The following OPA1 variants were observed in gnomAD, a reference collection of about 807,000 sequenced individuals.
The protein encoded by OPA1 is dynamin-like GTPase OPA1, mitochondrial.
In OPA1, 59 loss-of-function variants were observed where a neutral mutation model predicts 152.9. The ratio of observed to expected loss-of-function variants is 0.39; its 90% CI spans 0.31 to 0.48. The LOEUF is 0.48. Among genes scored for constraint, OPA1 ranks in the 20% least tolerant of loss-of-function variants. The pLI, the probability that OPA1 is intolerant of heterozygous loss-of-function variation, is 0.96. For synonymous variants in OPA1, 400 were observed against 389.9 expected (o/e 1.03, Z -0.31); for missense variants, 1,008 against 1,216.8 (o/e 0.83, Z 2.55).
chr3:193,650,222 G>A (rs1408459415), intron 21 of OPA1, among the ~76,000 whole-genome samples: 3 of 152,252 alleles, frequency 2.0e-5, no homozygotes, highest in South Asian at 4.1e-4. Context: ...GACAGTGAAC[G>A]CATACCACCA....
At chr3:193,631,581 C>G (rs1479849601) in intron 7 of OPA1, 31 bp from the exon 8 acceptor site, 1 of 1,527,496 alleles carries the variant, frequency 6.5e-7, no homozygotes, top group Non-Finnish European at 9.1e-7. Flanking sequence ...AAACCTAATT[C>G]TATTCAACTA....
rs570000924 is a variant in OPA1, at chr3:193,633,972, G to T, written c.844-1446G>T. Among the ~76,000 whole-genome samples, 428 of 152,256 alleles carry T rather than the reference G, an allele frequency of 2.8e-3. 2 individuals carry two copies. The highest frequency in any genetic ancestry group is 0.017 in the South Asian group (80 of 4,830). The stretch of plus-strand genomic sequence containing the variant: ...TCTGCCTGTCTCATACTATGTAGGT[G>T]TTCAATTATGTATGCGTTCTTTTAA... On this transcript the variant is annotated intron_variant, in intron 8 of 30. Transcript: ENST00000361510.
chr3:193,640,283 A>G (rs1256316757), intron 11 of OPA1, among the ~76,000 whole-genome samples: 1 of 152,204 alleles, frequency 6.6e-6, no homozygotes, highest in Non-Finnish European at 1.5e-5. Context: ...TGTTGAGGGA[A>G]GAGAAAATAA....
Position 193,637,926 on chromosome 3 carries a change from A to G in OPA1, c.1036-26A>G, listed in dbSNP as rs765175058. The G allele has an allele frequency of 5.1e-6, 8 of 1,554,132 alleles. No homozygotes were observed. The South Asian group carries it at 7.8e-5, about 15-fold the overall frequency. Reference sequence around the variant, plus strand: ...TTAATTTGGTATCAGAAAAATATGAATAAGTGTTCTTTGTTTTGTGGGAAG... The same window carrying G: ...TTAATTTGGTATCAGAAAAATATGAGTAAGTGTTCTTTGTTTTGTGGGAAG... On this transcript the variant is annotated intron_variant, in intron 10 of 30. Coordinates refer to ENST00000361510, the MANE Select transcript of OPA1 (RefSeq NM_130837.3).
chr3:193,617,304 G>A lies in OPA1; in HGVS notation c.556+19G>A, dbSNP rs752550159. ...ACCTCAGGTAAGGAAGAAGCTGTTT[G>A]ATCTAATTTAAAAATTTAAGAACCA... is the stretch of plus-strand genomic sequence containing the variant. On this transcript the variant is annotated intron_variant, in intron 4 of 30. Coordinates refer to ENST00000361510, the MANE Select transcript of OPA1 (RefSeq NM_130837.3). The A allele has an allele frequency of 1.2e-4, 179 of 1,441,456 alleles. No individual in the cohort carries two copies. In the East Asian group the frequency reaches 4.0e-3, roughly 32 times the overall value. 89.3% of individuals were successfully genotyped at this position (1,441,456 alleles called of 1,614,324 possible). A position where few individuals can be genotyped will look rare whatever the true frequency, so the allele number is the denominator to read the frequency against.
At chr3:193,646,840 C>A (rs905670658) in intron 18 of OPA1, among the ~76,000 whole-genome samples, 3 of 152,076 alleles carry the variant, frequency 2.0e-5, no homozygotes, top group Admixed American at 2.0e-4. Flanking sequence ...ATTCAAAATA[C>A]AGTTCCTCAG....
intron 4 of OPA1, 80 bp downstream of exon 4, chr3:193,617,365 A>T (rs1459460185): frequency 1.2e-6 from 1 of 823,590 alleles, no homozygotes; most frequent in African/African-American, 1.8e-5. Flanking sequence ...GTTTATTCCC[A>T]TTTTTTTAAA....
chr3:193,595,955 T>G (rs1344656191), intron 1 of OPA1, among the ~76,000 whole-genome samples: 1 of 152,176 alleles, frequency 6.6e-6, no homozygotes, highest in Non-Finnish European at 1.5e-5. Context: ...TGCACACTTT[T>G]TTATTTTTAA....
intron 29 of OPA1, chr3:193,668,530 C>T (rs762240823): frequency 6.5e-7 from 1 of 1,548,706 alleles, no homozygotes; most frequent in South Asian, 1.2e-5. Context: ...TCTGCCCGAC[C>T]CCAGACAGAT....
At chr3:193,608,497 A>G (rs891962576) in intron 1 of OPA1, among the ~76,000 whole-genome samples, 5 of 152,120 alleles carry the variant, frequency 3.3e-5, no homozygotes, top group African/African-American at 1.2e-4. Context: ...TTCAGTTTCC[A>G]TGTAGTTGAG....
intron 21 of OPA1, among the ~76,000 whole-genome samples, chr3:193,650,972 T>G (rs1305418864): frequency 6.6e-6 from 1 of 152,086 alleles, no homozygotes; most frequent in Non-Finnish European, 1.5e-5. Context: ...TAATTTGAAA[T>G]TTAAAACATG....
Position 193,617,237 on chromosome 3 carries a change from G to A in OPA1, c.508G>A (p.Asp170Asn). 1.9e-6 allele frequency: 3 copies of A among 1,613,126 alleles called. No individual in the cohort carries two copies. Among genetic ancestry groups the A allele is most frequent in the African/African-American group, 1.3e-5 (1 of 75,000 alleles). ...EDLVKLAPDF[D>N]KIVESLSLLK... ...CCTTGTAAAGTTAGCACCAGACTTTGACAAGATTGTTGAAAGCCTTAGCTT... is the reference window on the plus strand; with the variant it reads ...CCTTGTAAAGTTAGCACCAGACTTTAACAAGATTGTTGAAAGCCTTAGCTT... The change falls in exon 4 of 31, where the codon GAC becomes AAC. Residue 170 changes from aspartate (D) to asparagine (N), a missense_variant. By Grantham distance (23) the Asp-to-Asn change is conservative. Around this residue, in one of 7 missense-constraint regions of OPA1, gnomAD observed 408 missense variants for 395.1 expected, o/e 1.03. Transcript: ENST00000361510.
chr3:193,683,919 A>G (rs547909095), intron 29 of OPA1, among the ~76,000 whole-genome samples: 1 of 152,330 alleles, frequency 6.6e-6, no homozygotes, highest in African/African-American at 2.4e-5. Flanking sequence ...CCAAACTTGC[A>G]TATCTCCCAA....
Position 193,614,553 on chromosome 3 carries a change from T to C in OPA1, c.33-170T>C, listed in dbSNP as rs568505407. Among the ~76,000 whole-genome samples the C allele has an allele frequency of 2.0e-5, 3 of 152,366 alleles. No homozygotes were observed. The East Asian group carries it at 5.8e-4, about 29-fold the overall frequency. ...CAGGATTAAATGAGATAGCACATACTGTAACCATGTCTGGCACATAGTCAA... is the reference window on the plus strand; with the variant it reads ...CAGGATTAAATGAGATAGCACATACCGTAACCATGTCTGGCACATAGTCAA... On this transcript the variant is annotated intron_variant, in intron 1 of 30. Coordinates refer to ENST00000361510, the MANE Select transcript of OPA1 (RefSeq NM_130837.3).
At chr3:193,605,250 A>G (rs1218393213) in intron 1 of OPA1, among the ~76,000 whole-genome samples, 2 of 152,212 alleles carry the variant, frequency 1.3e-5, no homozygotes, top group African/African-American at 4.8e-5. Context: ...GTTATAAAGT[A>G]TTAGGATTTG....
At chr3:193,605,890 G>T (rs560030816) in intron 1 of OPA1, among the ~76,000 whole-genome samples, 3 of 152,184 alleles carry the variant, frequency 2.0e-5, no homozygotes, top group Non-Finnish European at 2.9e-5. Flanking sequence ...GGGATTTGTT[G>T]GCTTATTAAG....
intron 10 of OPA1, 80 bp from the exon 11 acceptor site, chr3:193,637,872 C>A: frequency 8.6e-7 from 1 of 1,158,394 alleles, no homozygotes; most frequent in Non-Finnish European, 1.3e-6. Context: ...CTAAAAAACT[C>A]AGAGCAGCAT....
rs923191226 is a variant in OPA1, at chr3:193,593,366, C to T, written c.-12C>T. ...GCCGTCTCGGCGCCTGCGTGACCTCCCCGCCGGCGGGATGTGGCGACTACG... is the reference window on the plus strand; with the variant it reads ...GCCGTCTCGGCGCCTGCGTGACCTCTCCGCCGGCGGGATGTGGCGACTACG... On this transcript the variant is annotated 5_prime_UTR_variant, in exon 1 of 31. Transcript: ENST00000361510. 10 of 1,545,914 alleles carry T rather than the reference C, an allele frequency of 6.5e-6. No homozygotes were observed. The highest frequency in any genetic ancestry group is 4.0e-5 in the Admixed American group (2 of 50,578).
chr3:193,659,853 AG>A (rs1337430352), intron 25 of OPA1, among the ~76,000 whole-genome samples: 1 of 152,142 alleles, frequency 6.6e-6, no homozygotes, highest in African/African-American at 2.4e-5. Context: ...GGAAGATTAA[AG>A]TTATGAACAG....
Sources: gnomAD v4.1 joint callset for allele counts (sites outside exome capture counted in the v4.1 genomes callset) on GRCh38, gnomAD v4.1.1 for gene constraint, gnomAD v4.1.1 regional missense constraint, MANE v1.5 for transcripts, NCBI Gene and HGNC (gene_info 2026-07-23, HGNC 2026-07-21) for gene names.